The following PCDHGA2 variants were observed in gnomAD, a reference collection of about 807,000 sequenced individuals.
The protein encoded by PCDHGA2 is protocadherin gamma subfamily A, 2.
Under a neutral mutation model 59.2 loss-of-function variants are expected in PCDHGA2, and 40 were observed. The observed-to-expected ratio is 0.68, with a 90% CI of 0.52 to 0.88. The LOEUF (loss-of-function observed/expected upper bound fraction) is 0.88, where lower values mean the gene tolerates loss of function less well. PCDHGA2 is among the 40% of genes least tolerant of loss of function. The pLI is 0.00. For synonymous variants in PCDHGA2, 560 were observed against 526.0 expected (o/e 1.06, Z -0.89); for missense variants, 1,226 against 1,204.0 (o/e 1.02, Z -0.27).
chr5:141,466,799 C>T (rs1049340129), intron 1 of PCDHGA2, among the ~76,000 whole-genome samples: 1 of 152,056 alleles, frequency 6.6e-6, no homozygotes, highest in African/African-American at 2.4e-5. Flanking sequence ...CAAACTAGAT[C>T]CTATTCAGAC....
At chr5:141,433,044 A>T in intron 1 of PCDHGA2, 2 of 1,613,972 alleles carry the variant, frequency 1.2e-6, no homozygotes, top group Non-Finnish European at 8.5e-7. Flanking sequence ...CTCACCACGG[A>T]CTCGCGGAAG....
intron 1 of PCDHGA2, chr5:141,385,590 CT>C: frequency 8.0e-7 from 1 of 1,252,846 alleles, no homozygotes; most frequent in Non-Finnish European, 1.0e-6. Flanking sequence ...ATGTTCCAAC[CT>C]ACTTTCTTAA....
intron 1 of PCDHGA2, among the ~76,000 whole-genome samples, chr5:141,482,207 G>T (rs983812650): frequency 6.6e-6 from 1 of 152,130 alleles, no homozygotes; most frequent in East Asian, 1.9e-4. Flanking sequence ...AAACAGACCA[G>T]GTACTTGTTT....
At chr5:141,372,270 G>A in intron 1 of PCDHGA2, 1 of 1,613,182 alleles carries the variant, frequency 6.2e-7, no homozygotes, top group African/African-American at 1.3e-5. Flanking sequence ...CACGGGTGAG[G>A]TGCGCACGGC....
chr5:141,390,111 G>C (rs2092051894), intron 1 of PCDHGA2: 5 of 1,614,054 alleles, frequency 3.1e-6, no homozygotes, highest in Non-Finnish European at 4.2e-6. Flanking sequence ...CAACTACAGC[G>C]AGGGGACTTT....
chr5:141,368,108 T>C (rs1244869694), intron 1 of PCDHGA2, among the ~76,000 whole-genome samples: 1 of 152,216 alleles, frequency 6.6e-6, no homozygotes, highest in African/African-American at 2.4e-5. Context: ...TTCAGATGTT[T>C]CTTATTAAAA....
intron 1 of PCDHGA2, chr5:141,388,917 G>C: frequency 6.2e-7 from 1 of 1,614,026 alleles, no homozygotes. Flanking sequence ...CGCCCCAGAA[G>C]TGATATTCCA....
rs2099748179 is a variant in PCDHGA2 at position 141,493,421 on chromosome 5, T to G, written c.2425-1386T>G. Among the ~76,000 whole-genome samples the G allele has an allele frequency of 6.6e-6, 1 of 152,182 alleles. No individual in the cohort carries two copies. Among genetic ancestry groups the G allele is most frequent in the South Asian group, 2.1e-4 (1 of 4,830 alleles). On this transcript the variant is annotated intron_variant, in intron 1 of 3. Coordinates refer to ENST00000394576, the MANE Select transcript of PCDHGA2 (RefSeq NM_018915.4). The surrounding 1 kb of genome is among the most constrained non-coding windows in gnomAD (Gnocchi z 4.3). Reference sequence around the variant, plus strand: ...GGAGTTGCCTCTGCTGGGATTTTGCTTCTGCTGGGATGGGGCAAGGGTGGG... The same window carrying G: ...GGAGTTGCCTCTGCTGGGATTTTGCGTCTGCTGGGATGGGGCAAGGGTGGG...
At chr5:141,503,620 A>C (rs1475731896) in intron 2 of PCDHGA2, among the ~76,000 whole-genome samples, 1 of 152,026 alleles carries the variant, frequency 6.6e-6, no homozygotes, top group East Asian at 1.9e-4. Flanking sequence ...AAAAAGAAAA[A>C]AGAAAAGAAA....
At chr5:141,375,760 G>A (rs779640846) in intron 1 of PCDHGA2, 3 of 1,614,236 alleles carry the variant, frequency 1.9e-6, no homozygotes, top group African/African-American at 2.7e-5. Context: ...ATGACAATGC[G>A]CCCGAGATCC....
At chr5:141,398,014 C>G in intron 1 of PCDHGA2, 1 of 1,420,276 alleles carries the variant, frequency 7.0e-7, no homozygotes, top group Non-Finnish European at 9.4e-7. Flanking sequence ...AGAATCGTTT[C>G]CTAAACTGGA....
chr5:141,491,368 A>G lies in PCDHGA2; in HGVS notation c.2425-3439A>G. ...CAGTCTCTTATCCCTAGTCACCTTC[A>G]CCTTTCTGTCAGCGAAGTGCCTTCA... On this transcript the variant is annotated intron_variant, in intron 1 of 3. Transcript: ENST00000394576. This position sits in a 1 kb window ranked among gnomAD's most constrained non-coding sequence, Gnocchi z 6.9. 6.2e-7 allele frequency: 1 copy of G among 1,613,842 alleles called. No homozygotes were observed. The highest frequency in any genetic ancestry group is 8.5e-7 in the Non-Finnish European group (1 of 1,179,940).
At position 141,477,687 on chromosome 5, in the gene PCDHGA2, C is replaced by A. The variant is rs1206813120; in HGVS notation, c.2425-17120C>A. The A allele has an allele frequency of 5.6e-6, 9 of 1,614,022 alleles. No homozygotes were observed. The highest frequency in any genetic ancestry group is 7.6e-6 in the Non-Finnish European group (9 of 1,180,040). ...AATGGCATAGTGTCATCCTTAGTGC[C>A]CCTAGACTATGAGGATCGGCGGGAA... On this transcript the variant is annotated intron_variant, in intron 1 of 3. Coordinates refer to ENST00000394576, the MANE Select transcript of PCDHGA2 (RefSeq NM_018915.4). This position sits in a 1 kb window ranked among gnomAD's most constrained non-coding sequence, Gnocchi z 4.9.
chr5:141,419,584 C>G, intron 1 of PCDHGA2: 1 of 1,611,800 alleles, frequency 6.2e-7, no homozygotes. Context: ...CCGCGCTCTT[C>G]GACACAGTGC....
At chr5:141,460,981 GTGTATATA>G (rs1342006423) in intron 1 of PCDHGA2, among the ~76,000 whole-genome samples, 30 of 121,890 alleles carry the variant, frequency 2.5e-4, no homozygotes, top group African/African-American at 5.8e-4. Flanking sequence ...GTGTGTGTGT[GTGTATATA>G]TATATATGTG....
At chr5:141,366,782 G>T in intron 1 of PCDHGA2, 4 of 1,580,298 alleles carry the variant, frequency 2.5e-6, no homozygotes, top group South Asian at 1.2e-5. Flanking sequence ...AGGATGACCA[G>T]AACATTTTCA....
At chr5:141,364,543 G>A (rs374825504) in intron 1 of PCDHGA2, 26 of 1,614,010 alleles carry the variant, frequency 1.6e-5, no homozygotes, top group Middle Eastern at 1.6e-4. Context: ...CCAGAGGTAG[G>A]ACGCAGCTTT....
At chr5:141,389,173 T>C (rs1339910343) in intron 1 of PCDHGA2, 15 of 1,613,844 alleles carry the variant, frequency 9.3e-6, no homozygotes, top group Non-Finnish European at 1.2e-5. Context: ...AAGCCTCCCC[T>C]CTCCTCCAGT....
chr5:141,399,797 G>A (rs760211919), intron 1 of PCDHGA2: 1 of 1,613,192 alleles, frequency 6.2e-7, no homozygotes, highest in Non-Finnish European at 8.5e-7. Context: ...AACGCACCGC[G>A]GGTGCTGTAC....
Sources: gnomAD v4.1 joint callset for allele counts (sites outside exome capture counted in the v4.1 genomes callset) on GRCh38, gnomAD v4.1.1 for gene constraint, Gnocchi (gnomAD v3.1) non-coding constraint, MANE v1.5 for transcripts, NCBI Gene and HGNC (gene_info 2026-07-23, HGNC 2026-07-21) for gene names.